Variants in CCSER1 observed in about 807,000 individuals in gnomAD.
The protein encoded by CCSER1 is coiled-coil serine rich protein 1, also known as serine-rich coiled-coil domain-containing protein 1.
In CCSER1, 41 loss-of-function variants were observed where a neutral mutation model predicts 82.0. The observed-to-expected ratio is 0.50, with a 90% confidence interval of 0.39 to 0.65. CCSER1 has a LOEUF of 0.65. Ranked by LOEUF, CCSER1 falls within the 30% of genes least tolerant of loss-of-function variation. CCSER1 has a pLI of 0.00. For missense variants in CCSER1, 1,119 were observed against 1,064.2 expected, an observed-to-expected ratio of 1.05 and a Z score of -0.72; for synonymous variants, 414 against 383.9, an observed-to-expected ratio of 1.08 and a Z score of -0.92.
At chr4:91,374,402 A>G (rs1416664105) in intron 10 of CCSER1, among the ~76,000 whole-genome samples, 2 of 152,204 alleles carry the variant, frequency 1.3e-5, no homozygotes, top group Admixed American at 6.5e-5. Flanking sequence ...TCATAGGGCC[A>G]TTAAGAATTA....
chr4:91,288,629 G>T (rs542346609), intron 10 of CCSER1, among the ~76,000 whole-genome samples: 45 of 152,062 alleles, frequency 3.0e-4, no homozygotes, highest in African/African-American at 1.1e-3. Flanking sequence ...AACAGCTACT[G>T]CAAGAAAGGC....
intron 7 of CCSER1, among the ~76,000 whole-genome samples, chr4:90,746,502 C>A (rs1303538435): frequency 2.0e-5 from 3 of 152,062 alleles, no homozygotes; most frequent in Admixed American, 1.3e-4. Context: ...CCTCTTTTTT[C>A]TCTACCAGTG....
intron 10 of CCSER1, among the ~76,000 whole-genome samples, chr4:91,136,318 G>A (rs554027889): frequency 6.6e-6 from 1 of 152,190 alleles, no homozygotes; most frequent in East Asian, 1.9e-4. Flanking sequence ...CGTCTTTATT[G>A]GGGTTGTTTC....
chr4:91,427,982 T>C (rs1237365253), intron 10 of CCSER1, among the ~76,000 whole-genome samples: 1 of 152,046 alleles, frequency 6.6e-6, no homozygotes, highest in Non-Finnish European at 1.5e-5. Flanking sequence ...CTGCAGGTGA[T>C]TCACATCTTG....
intron 10 of CCSER1, among the ~76,000 whole-genome samples, chr4:91,297,365 T>TTGTGTG (rs764634343): frequency 1.4e-4 from 18 of 128,792 alleles, no homozygotes; most frequent in Admixed American, 3.1e-4. Flanking sequence ...GAATGGATGC[T>TTGTGTG]TGTGTGTGTG....
intron 7 of CCSER1, among the ~76,000 whole-genome samples, chr4:90,759,540 C>T (rs1750106424): frequency 6.6e-6 from 1 of 152,088 alleles, no homozygotes; most frequent in South Asian, 2.1e-4. Context: ...GATTTGTAGA[C>T]TTTGTAAATT....
At chr4:90,277,922 G>A (rs1169896614) in intron 1 of CCSER1, among the ~76,000 whole-genome samples, 11 of 152,046 alleles carry the variant, frequency 7.2e-5, no homozygotes, top group Admixed American at 7.2e-4. Context: ...GAAAATATTT[G>A]CAAACTCTGC....
At chr4:90,901,775 T>C (rs1030156304) in intron 8 of CCSER1, among the ~76,000 whole-genome samples, 7 of 152,036 alleles carry the variant, frequency 4.6e-5, no homozygotes, top group African/African-American at 1.7e-4. Flanking sequence ...TTGGTGATGG[T>C]CATCTTGTGT....
Position 90,172,777 on chromosome 4 carries a change from A to G in CCSER1, c.-42+44946A>G, listed in dbSNP as rs777439746. Among the ~76,000 whole-genome samples, 8 of 152,004 alleles carry G rather than the reference A, an allele frequency of 5.3e-5. No homozygotes were observed. In the South Asian group the frequency reaches 1.0e-3, roughly 20 times the overall value. ...ACCTTGAAAGTCATGCGTACTAGCTACGTTTGAAATAGTAAAATGAAATAG... is the reference window on the plus strand; with the variant it reads ...ACCTTGAAAGTCATGCGTACTAGCTGCGTTTGAAATAGTAAAATGAAATAG... On this transcript the variant is annotated intron_variant, in intron 1 of 10. Coordinates refer to ENST00000509176, the MANE Select transcript of CCSER1 (RefSeq NM_001145065.2).
At chr4:91,441,307 T>G (rs1416079520) in intron 10 of CCSER1, among the ~76,000 whole-genome samples, 2 of 152,176 alleles carry the variant, frequency 1.3e-5, no homozygotes, top group Non-Finnish European at 2.9e-5. Flanking sequence ...GATGCAAGGC[T>G]GGTTCAATAT....
intron 10 of CCSER1, among the ~76,000 whole-genome samples, chr4:91,556,033 T>C (rs921490271): frequency 8.6e-5 from 13 of 151,244 alleles, no homozygotes; most frequent in Non-Finnish European, 1.6e-4. Context: ...TAAATACTGG[T>C]AAAAGAAAAA....
intron 3 of CCSER1, among the ~76,000 whole-genome samples, chr4:90,313,872 C>G (rs1459168573): frequency 6.6e-6 from 1 of 152,178 alleles, no homozygotes; most frequent in Non-Finnish European, 1.5e-5. Flanking sequence ...TATTTAACAT[C>G]TATTATCTAA....
At chr4:91,513,346 C>G (rs1295681440) in intron 10 of CCSER1, among the ~76,000 whole-genome samples, 1 of 152,122 alleles carries the variant, frequency 6.6e-6, no homozygotes, top group African/African-American at 2.4e-5. Flanking sequence ...TTTTGACATG[C>G]TACTGGATTT....
intron 7 of CCSER1, among the ~76,000 whole-genome samples, chr4:90,807,418 T>A (rs575436516): frequency 1.3e-5 from 2 of 152,140 alleles, no homozygotes; most frequent in Admixed American, 1.3e-4. Flanking sequence ...GCATCTTCCT[T>A]GTAGTCAAGC....
At chr4:91,249,177 A>AT (rs890153764) in intron 10 of CCSER1, among the ~76,000 whole-genome samples, 3 of 152,030 alleles carry the variant, frequency 2.0e-5, no homozygotes, top group Admixed American at 6.5e-5. Context: ...GTAGTTTTAT[A>AT]TTTTTTCTAA....
rs1293271446 is a variant in CCSER1 at position 91,139,387 on chromosome 4, G to C, written c.2217+53393G>C. Among the ~76,000 whole-genome samples, 4 of 151,940 alleles carry C rather than the reference G, an allele frequency of 2.6e-5. No homozygotes were observed. The East Asian group carries it at 7.7e-4, about 29-fold the overall frequency. ...GAGCATTGTGCTACATCCTTCTTCA[G>C]AACAACAATTTGAGGACTCATTTTT... On this transcript the variant is annotated intron_variant, in intron 10 of 10. Coordinates refer to ENST00000509176, the MANE Select transcript of CCSER1 (RefSeq NM_001145065.2).
At chr4:90,221,138 G>C (rs1742071809) in intron 1 of CCSER1, among the ~76,000 whole-genome samples, 1 of 152,092 alleles carries the variant, frequency 6.6e-6, no homozygotes, top group African/African-American at 2.4e-5. Flanking sequence ...CTTCTAACCT[G>C]AGGTGGGAAA....
intron 10 of CCSER1, among the ~76,000 whole-genome samples, chr4:91,272,165 A>G (rs1560557752): frequency 6.6e-6 from 1 of 152,180 alleles, no homozygotes; most frequent in Non-Finnish European, 1.5e-5. Context: ...TTAGTTCTTT[A>G]AGGATTCTCC....
At chr4:90,207,251 A>G (rs771124605) in intron 1 of CCSER1, among the ~76,000 whole-genome samples, 11 of 151,826 alleles carry the variant, frequency 7.2e-5, no homozygotes, top group Admixed American at 5.3e-4. Flanking sequence ...TTGATCTTCA[A>G]TCTCTGATAT....
Sources: gnomAD v4.1 joint callset for allele counts (sites outside exome capture counted in the v4.1 genomes callset) on GRCh38, gnomAD v4.1.1 for gene constraint, MANE v1.5 for transcripts, NCBI Gene and HGNC (gene_info 2026-07-23, HGNC 2026-07-21) for gene names.